The following PSTPIP1 variants were observed in gnomAD, a reference collection of about 807,000 sequenced individuals.
PSTPIP1 encodes proline-serine-threonine phosphatase interacting protein 1.
A neutral mutation model predicts 69.6 loss-of-function variants in PSTPIP1; 66 were observed. The ratio of observed to expected loss-of-function variants is 0.95; its 90% CI spans 0.78 to 1.16. PSTPIP1 has a LOEUF of 1.16. PSTPIP1 is among the 50% of genes most tolerant of loss of function. The pLI is 0.00. For missense variants in PSTPIP1, 603 were observed against 557.4 expected, an observed-to-expected ratio of 1.08 and a Z score of -0.82; for synonymous variants, 266 against 222.7, an observed-to-expected ratio of 1.19 and a Z score of -1.73.
rs756068066 is a variant in PSTPIP1, at chr15:77,035,940, G to C, written c.1119+5G>C. On this transcript the variant is annotated splice_donor_5th_base_variant and intron_variant, in intron 14 of 14. Coordinates refer to ENST00000558012, the MANE Select transcript of PSTPIP1 (RefSeq NM_003978.5). ...CTCTACGATTATACAGCGCAGGTGA[G>C]GCCTCTATACCCCAAACCCACCTGT... is the stretch of plus-strand genomic sequence containing the variant. The C allele has an allele frequency of 1.1e-5, 17 of 1,592,718 alleles. No homozygotes were observed. Among genetic ancestry groups the C allele is most frequent in the Admixed American group, 3.5e-5 (2 of 57,318 alleles).
intron 14 of PSTPIP1, 37 bp from the exon 15 acceptor site, chr15:77,037,008 C>A (rs773989632): frequency 6.2e-7 from 1 of 1,602,364 alleles, no homozygotes; most frequent in Non-Finnish European, 8.5e-7. Context: ...TCCCTGCAGG[C>A]CCTTCCAACG....
In PSTPIP1 at chr15:77,022,662, G is replaced by T. The variant is rs1341982343; in HGVS notation, c.213-2622G>T. 2.0e-5 allele frequency among the ~76,000 whole-genome samples: 3 copies of T among 152,234 alleles called. No individual in the cohort carries two copies. The East Asian group carries it at 5.8e-4, about 29-fold the overall frequency. On this transcript the variant is annotated intron_variant, in intron 3 of 14. Coordinates refer to ENST00000558012, the MANE Select transcript of PSTPIP1 (RefSeq NM_003978.5). ...TTCACTTTGGGGGTTCTGGGGCAAA[G>T]CTGGGCTCCTCCTCTCATCCACAGA... is the stretch of plus-strand genomic sequence containing the variant.
chr15:77,024,711 C>T (rs530623053), intron 3 of PSTPIP1, among the ~76,000 whole-genome samples: 3 of 147,964 alleles, frequency 2.0e-5, no homozygotes, highest in South Asian at 4.4e-4. Flanking sequence ...GCCTCCTATG[C>T]GCAGTGCTGG....
intron 1 of PSTPIP1, among the ~76,000 whole-genome samples, chr15:77,011,340 C>T (rs1174022566): frequency 6.6e-6 from 1 of 152,196 alleles, no homozygotes; most frequent in Non-Finnish European, 1.5e-5. Context: ...TGATGGGGTC[C>T]CTGTCAGCCA....
At chr15:77,021,052 G>A (rs1435415190) in intron 3 of PSTPIP1, among the ~76,000 whole-genome samples, 1 of 152,314 alleles carries the variant, frequency 6.6e-6, no homozygotes, top group East Asian at 1.9e-4. Flanking sequence ...ACGGGCAGGG[G>A]ACTGGGGGAT....
rs751688277 is a variant in PSTPIP1 at position 77,037,089 on chromosome 15, G to A, written c.1164G>A (p.Val388=). 6.2e-7 allele frequency: 1 copy of A among 1,612,428 alleles called. No individual in the cohort carries two copies. The highest frequency in any genetic ancestry group is 8.5e-7 in the Non-Finnish European group (1 of 1,179,702). The change falls in exon 15 of 15, where the codon GTG becomes GTA. Residue 388 remains valine (V), a synonymous_variant. Transcript: ENST00000558012. ...LDLSAGDILE[V]ILEGEDGWWT... The stretch of plus-strand genomic sequence containing the variant: ...TGTCCGCGGGAGACATCCTGGAGGT[G>A]ATCCTGGAAGGGGAGGATGGCTGGT...
rs750318154 is a variant in PSTPIP1, at chr15:77,035,939, A to G, written c.1119+4A>G. 1 of 1,592,384 alleles carries G rather than the reference A, an allele frequency of 6.3e-7. No homozygotes were observed. Among genetic ancestry groups the G allele is most frequent in the South Asian group, 1.1e-5 (1 of 88,570 alleles). On this transcript the variant is annotated splice_donor_region_variant and intron_variant, in intron 14 of 14. Transcript: ENST00000558012. The stretch of plus-strand genomic sequence containing the variant: ...GCTCTACGATTATACAGCGCAGGTG[A>G]GGCCTCTATACCCCAAACCCACCTG...
At chr15:77,026,927 G>A (rs370436334) in intron 5 of PSTPIP1, among the ~76,000 whole-genome samples, 1 of 152,276 alleles carries the variant, frequency 6.6e-6, no homozygotes, top group African/African-American at 2.4e-5. Flanking sequence ...CTTTCTCCAA[G>A]TGGCCAGGGC....
In PSTPIP1 at chr15:77,029,505, G is replaced by A. The variant is rs372983486; in HGVS notation, c.517-24G>A. The stretch of plus-strand genomic sequence containing the variant: ...CTGGCTCCTGGGGCAGGGGCTTAGC[G>A]CTGCTTCCCCTCTGTTTCCTCAGAG... On this transcript the variant is annotated intron_variant, in intron 7 of 14. Transcript: ENST00000558012. The A allele has an allele frequency of 1.7e-4, 273 of 1,566,528 alleles. 2 individuals carry two copies. Among genetic ancestry groups the A allele is most frequent in the South Asian group, 1.7e-3 (146 of 85,020 alleles).
intron 6 of PSTPIP1, chr15:77,028,273 C>T (rs1056697229): frequency 4.1e-6 from 2 of 492,894 alleles, no homozygotes. Context: ...AGGGGCGTGG[C>T]GAGGGGCGTG....
intron 1 of PSTPIP1, among the ~76,000 whole-genome samples, chr15:77,002,491 T>C (rs2075730745): frequency 1.3e-5 from 2 of 151,922 alleles, no homozygotes. Flanking sequence ...CAAGAATGAG[T>C]TGGTGTTTCT....
At chr15:77,015,978 T>A (rs2076043340) in intron 1 of PSTPIP1, 1 of 456,064 alleles carries the variant, frequency 2.2e-6, no homozygotes, top group South Asian at 1.5e-5. Context: ...GCTTTCTGAC[T>A]CCTCCCGAAT....
At chr15:77,031,374 C>A in intron 10 of PSTPIP1, 96 bp downstream of exon 10, 2 of 1,328,284 alleles carry the variant, frequency 1.5e-6, no homozygotes, top group South Asian at 1.2e-5. Flanking sequence ...GCACCTGGTC[C>A]TCTGTGATCC....
Position 77,037,219 on chromosome 15 carries a change from C to T in PSTPIP1, c.*43C>T, listed in dbSNP as rs928954294. 16 of 1,557,674 alleles carry T rather than the reference C, an allele frequency of 1.0e-5. No individual in the cohort carries two copies. Among genetic ancestry groups the T allele is most frequent in the Middle Eastern group, 2.0e-4 (1 of 4,948 alleles). The stretch of plus-strand genomic sequence containing the variant: ...CTTCGGACCTGCCCTGCCAGTGGAG[C>T]CAGCAGTGCCCCCAGCACTGTCCCC... On this transcript the variant is annotated 3_prime_UTR_variant, in exon 15 of 15. Coordinates refer to ENST00000558012, the MANE Select transcript of PSTPIP1 (RefSeq NM_003978.5).
intron 8 of PSTPIP1, 115 bp downstream of exon 8, chr15:77,029,689 GCGGCGCTCTCAT>G: frequency 1.7e-6 from 2 of 1,185,896 alleles, no homozygotes. Context: ...AATCATGGGC[GCGGCGCTCTCAT>G]TCCAGATATG....
chr15:76,998,865 G>A (rs576413796), intron 1 of PSTPIP1, among the ~76,000 whole-genome samples: 16 of 152,300 alleles, frequency 1.1e-4, no homozygotes, highest in Admixed American at 4.6e-4. Context: ...AGTGAGGCAG[G>A]GCGGACCAGC....
In PSTPIP1 at chr15:77,027,596, C is replaced by T. The variant is rs1481650748; in HGVS notation, c.355-256C>T. On this transcript the variant is annotated intron_variant, in intron 5 of 14. Transcript: ENST00000558012. This position sits in a 1 kb window ranked among gnomAD's most constrained non-coding sequence, Gnocchi z 4.3. Reference sequence around the variant, plus strand: ...GCACGTGTGTTGGGGTGGGAACTCCCCAGCTGGAGACGAAGCTCTGGCCAA... The same window carrying T: ...GCACGTGTGTTGGGGTGGGAACTCCTCAGCTGGAGACGAAGCTCTGGCCAA... The T allele has an allele frequency of 1.9e-6, 1 of 513,482 alleles. No individual in the cohort carries two copies. The highest frequency in any genetic ancestry group is 1.9e-5 in the African/African-American group (1 of 52,298). 31.8% of individuals were successfully genotyped at this position (513,482 alleles called of 1,614,324 possible). A position where few individuals can be genotyped will look rare whatever the true frequency, so the allele number is the denominator to read the frequency against.
chr15:77,021,178 G>C (rs1174298767), intron 3 of PSTPIP1, among the ~76,000 whole-genome samples: 1 of 152,222 alleles, frequency 6.6e-6, no homozygotes, highest in Non-Finnish European at 1.5e-5. Context: ...CTGCATTTCT[G>C]CAGTCCCCTG....
Position 77,035,931 on chromosome 15 carries a change from C to A in PSTPIP1, c.1115C>A (p.Ala372Glu), listed in dbSNP as rs200188483. The A allele has an allele frequency of 1.3e-6, 2 of 1,599,732 alleles. No individual in the cohort carries two copies. Among genetic ancestry groups the A allele is most frequent in the Admixed American group, 1.7e-5 (1 of 58,240 alleles). Residue 372 changes from alanine (A) to glutamate (E), a missense_variant, in exon 14 of 15, where the codon GCG becomes GAG. Physicochemically the swap from Ala to Glu is moderately radical, Grantham distance 107. Transcript: ENST00000558012. ...TACCGGGCGCTCTACGATTATACAG[C>A]GCAGGTGAGGCCTCTATACCCCAAA... ...QEYRALYDYT[A>E]QNPDELDLSA...
Sources: allele counts gnomAD v4.1 joint callset (sites outside exome capture counted in the v4.1 genomes callset), GRCh38; gene constraint gnomAD v4.1.1; non-coding constraint Gnocchi (gnomAD v3.1); transcripts MANE v1.5; gene names NCBI Gene and HGNC (gene_info 2026-07-23, HGNC 2026-07-21).